The following CSNK2A2 variants were observed in gnomAD, a reference collection of about 807,000 sequenced individuals.
CSNK2A2 encodes the protein casein kinase II subunit alpha'.
A neutral mutation model predicts 54.0 loss-of-function variants in CSNK2A2; 8 were observed. The ratio of observed to expected loss-of-function variants is 0.15; its 90% CI spans 0.09 to 0.27. The LOEUF (loss-of-function observed/expected upper bound fraction) is 0.27. CSNK2A2 is among the 10% of genes least tolerant of loss of function. CSNK2A2 has a pLI of 1.00. For missense variants in CSNK2A2, 242 were observed against 439.4 expected (o/e 0.55, Z 4.02); for synonymous variants, 141 against 153.9 (o/e 0.92, Z 0.62).
At chr16:58,158,671 C>T (rs1477510677) in intron 11 of CSNK2A2, among the ~76,000 whole-genome samples, 1 of 152,208 alleles carries the variant, frequency 6.6e-6, no homozygotes. Flanking sequence ...GGAGAAGCCT[C>T]AGAGCCTCTT....
chr16:58,194,833 C>T (rs1962393664), intron 2 of CSNK2A2, among the ~76,000 whole-genome samples: 1 of 151,990 alleles, frequency 6.6e-6, no homozygotes, highest in Non-Finnish European at 1.5e-5. Context: ...AAGCTAGAGC[C>T]TATAAAGCTC....
At chr16:58,181,832 G>A (rs1192214507) in intron 4 of CSNK2A2, among the ~76,000 whole-genome samples, 2 of 152,024 alleles carry the variant, frequency 1.3e-5, no homozygotes, top group African/African-American at 4.8e-5. Flanking sequence ...GGACCCATAC[G>A]AAGGCACGTC....
intron 4 of CSNK2A2, among the ~76,000 whole-genome samples, chr16:58,179,092 T>C (rs1265780971): frequency 6.6e-6 from 1 of 152,216 alleles, no homozygotes; most frequent in Admixed American, 6.5e-5. Context: ...CTAAAAGTAT[T>C]GTGGTTTGCA....
intron 11 of CSNK2A2, chr16:58,163,204 AC>A (rs1285576262): frequency 6.7e-6 from 1 of 149,092 alleles, no homozygotes; most frequent in East Asian, 2.0e-4. Flanking sequence ...AAATAGGCGC[AC>A]ACATAGGGAT....
intron 2 of CSNK2A2, among the ~76,000 whole-genome samples, chr16:58,190,214 A>C (rs1962293040): frequency 6.6e-6 from 1 of 151,308 alleles, no homozygotes; most frequent in Non-Finnish European, 1.5e-5. Flanking sequence ...CTATTGTCCA[A>C]ACCAATAAAA....
chr16:58,190,536 G>C (rs1192544114), intron 2 of CSNK2A2, among the ~76,000 whole-genome samples: 2 of 152,134 alleles, frequency 1.3e-5, no homozygotes, highest in African/African-American at 2.4e-5. Context: ...AATATTATCT[G>C]AGCAATGTTA....
chr16:58,193,634 G>A (rs182638288), intron 2 of CSNK2A2, among the ~76,000 whole-genome samples: 1 of 152,274 alleles, frequency 6.6e-6, no homozygotes, highest in Non-Finnish European at 1.5e-5. Context: ...CACACAGGCA[G>A]TATTCATAAA....
chr16:58,195,698 T>C (rs537814009), intron 2 of CSNK2A2, among the ~76,000 whole-genome samples: 1 of 149,734 alleles, frequency 6.7e-6, no homozygotes, highest in East Asian at 1.9e-4. Context: ...AGCTACACAA[T>C]CAGTTACCAG....
chr16:58,183,215 TA>T (rs59962018), intron 4 of CSNK2A2, among the ~76,000 whole-genome samples: 37 of 146,052 alleles, frequency 2.5e-4, no homozygotes, highest in South Asian at 4.3e-4. Context: ...ATTTAAAAAT[TA>T]AAAAAAAAAA....
chr16:58,166,744 G>A lies in CSNK2A2; in HGVS notation c.727-60C>T, dbSNP rs1961573236. 5 of 1,191,854 alleles carry A rather than the reference G, an allele frequency of 4.2e-6. No homozygotes were observed. In the East Asian group the frequency reaches 9.3e-5, roughly 22 times the overall value. 73.8% of individuals were successfully genotyped at this position (1,191,854 alleles called of 1,614,324 possible). A position where few individuals can be genotyped will look rare whatever the true frequency, so the allele number is the denominator to read the frequency against. On this transcript the variant is annotated intron_variant, in intron 8 of 11. Coordinates refer to ENST00000262506, the MANE Select transcript of CSNK2A2 (RefSeq NM_001896.4). Reference sequence around the variant, plus strand: ...CACAGAACACACCATGAGCCCGTGAGGACACTGCACCAAGGAATCAGAAGA... The same window carrying A: ...CACAGAACACACCATGAGCCCGTGAAGACACTGCACCAAGGAATCAGAAGA...
chr16:58,159,687 G>A (rs1181209554), intron 11 of CSNK2A2: 1 of 152,180 alleles, frequency 6.6e-6, no homozygotes, highest in African/African-American at 2.4e-5. Context: ...GTGATACAAA[G>A]AGGTGGCCAA....
chr16:58,190,564 T>A (rs568178346), intron 2 of CSNK2A2, among the ~76,000 whole-genome samples: 1 of 152,190 alleles, frequency 6.6e-6, no homozygotes, highest in Non-Finnish European at 1.5e-5. Context: ...ACAGAAAACT[T>A]TTCCTCTAAT....
At position 58,164,177 on chromosome 16, in the gene CSNK2A2, A is replaced by T. The variant is rs201992267; in HGVS notation, c.977-30T>A. ...AAGAAAGCAGGAGGAAAGTCAGGCA[A>T]TCAGGGTGGTGAGTGCTGAGAGAAG... On this transcript the variant is annotated intron_variant, in intron 10 of 11. Coordinates refer to ENST00000262506, the MANE Select transcript of CSNK2A2 (RefSeq NM_001896.4). 4 of 1,609,260 alleles carry T rather than the reference A, an allele frequency of 2.5e-6. No homozygotes were observed. In the African/African-American group the frequency reaches 5.3e-5, roughly 22 times the overall value.
At chr16:58,172,505 T>C (rs180770629) in intron 5 of CSNK2A2, among the ~76,000 whole-genome samples, 3 of 152,376 alleles carry the variant, frequency 2.0e-5, no homozygotes, top group East Asian at 3.9e-4. Context: ...ACTCCTGTTT[T>C]TTCTTTTCAA....
chr16:58,170,553 C>T (rs1352464408), intron 5 of CSNK2A2, among the ~76,000 whole-genome samples: 2 of 152,038 alleles, frequency 1.3e-5, no homozygotes, highest in African/African-American at 2.4e-5. Flanking sequence ...TAAGAAACTG[C>T]CTAATTATCT....
At chr16:58,185,670 G>A (rs1044630265) in intron 3 of CSNK2A2, among the ~76,000 whole-genome samples, 3 of 152,150 alleles carry the variant, frequency 2.0e-5, no homozygotes, top group Non-Finnish European at 2.9e-5. Flanking sequence ...TGTGCTAAAA[G>A]GACAGGATAT....
intron 5 of CSNK2A2, among the ~76,000 whole-genome samples, chr16:58,170,428 T>G (rs1032264955): frequency 2.0e-5 from 3 of 152,162 alleles, no homozygotes; most frequent in Admixed American, 2.0e-4. Flanking sequence ...CTGAGTAGTA[T>G]TCCACTACTA....
chr16:58,180,078 CA>C (rs71385152), intron 4 of CSNK2A2, among the ~76,000 whole-genome samples: 66 of 91,018 alleles, frequency 7.3e-4, no homozygotes, highest in Middle Eastern at 6.8e-3. Flanking sequence ...GACTCCTTCT[CA>C]AAAAAAAAAA....
intron 4 of CSNK2A2, 23 bp from the exon 5 acceptor site, chr16:58,174,533 GAAAGTTA>G: frequency 6.2e-7 from 1 of 1,604,084 alleles, no homozygotes; most frequent in Non-Finnish European, 8.5e-7. Context: ...CCAGAAAACA[GAAAGTTA>G]ATTTAGTCTC....
Sources: allele counts gnomAD v4.1 joint callset (sites outside exome capture counted in the v4.1 genomes callset), GRCh38; gene constraint gnomAD v4.1.1; transcripts MANE v1.5; gene names NCBI Gene and HGNC (gene_info 2026-07-23, HGNC 2026-07-21).